The following ASIP variants were observed in gnomAD, a reference collection of about 807,000 sequenced individuals.
ASIP encodes agouti-signaling protein.
Under a neutral mutation model 10.3 loss-of-function variants are expected in ASIP, and 11 were observed. The observed-to-expected ratio is 1.07, with a 90% confidence interval of 0.68 to 1.78. The LOEUF (loss-of-function observed/expected upper bound fraction) is 1.78, where lower values mean the gene tolerates loss of function less well. Ranked by LOEUF, ASIP falls within the 40% of genes most tolerant of loss-of-function variation. The probability of loss-of-function intolerance (pLI) is 0.00; values close to 1 mark genes in which losing one functional copy is unlikely to be tolerated. For missense variants in ASIP, 180 were observed against 169.2 expected, an observed-to-expected ratio of 1.06 and a Z score of -0.35; for synonymous variants, 70 against 70.8, an observed-to-expected ratio of 0.99 and a Z score of 0.06.
intron 1 of ASIP, among the ~76,000 whole-genome samples, chr20:34,221,536 G>A (rs527266122): frequency 1.3e-5 from 2 of 152,218 alleles, no homozygotes; most frequent in South Asian, 4.2e-4. Context: ...TACGTATGTG[G>A]GCAATAAATG....
At chr20:34,198,931 C>G (rs1382874538) in intron 1 of ASIP, among the ~76,000 whole-genome samples, 1 of 152,180 alleles carries the variant, frequency 6.6e-6, no homozygotes, top group African/African-American at 2.4e-5. Flanking sequence ...CTCATTCCCC[C>G]TTCAAGTCCC....
intron 1 of ASIP, among the ~76,000 whole-genome samples, chr20:34,222,003 G>C (rs2035050826): frequency 6.6e-6 from 1 of 152,142 alleles, no homozygotes; most frequent in Admixed American, 6.5e-5. Context: ...CCAGCCACTT[G>C]GGAGGCTGAA....
At chr20:34,222,573 G>T (rs1391119827) in intron 1 of ASIP, among the ~76,000 whole-genome samples, 11 of 152,282 alleles carry the variant, frequency 7.2e-5, no homozygotes, top group African/African-American at 2.4e-4. Context: ...CAGATCTGAA[G>T]TGGGACCCAG....
chr20:34,261,804 A>C (rs2035697439), intron 2 of ASIP, among the ~76,000 whole-genome samples: 1 of 152,076 alleles, frequency 6.6e-6, no homozygotes, highest in Admixed American at 6.6e-5. Context: ...TGACTCAAAA[A>C]AGAAATTTTT....
chr20:34,258,708 ATT>A (rs1491236855), intron 1 of ASIP, among the ~76,000 whole-genome samples: 3 of 78,374 alleles, frequency 3.8e-5, no homozygotes, highest in Non-Finnish European at 7.2e-5. Context: ...ATATATATAT[ATT>A]ATATATATTA....
intron 1 of ASIP, among the ~76,000 whole-genome samples, chr20:34,248,677 G>A (rs1022993085): frequency 7.9e-5 from 12 of 152,082 alleles, no homozygotes; most frequent in Non-Finnish European, 1.5e-4. Flanking sequence ...GCTCACACCT[G>A]TAGTCTCAGC....
intron 1 of ASIP, among the ~76,000 whole-genome samples, chr20:34,200,833 T>A (rs2034887308): frequency 1.3e-5 from 2 of 152,304 alleles, no homozygotes; most frequent in African/African-American, 4.8e-5. Flanking sequence ...TGGCTTTAAT[T>A]TTCCCCCCTA....
chr20:34,220,953 CT>C lies in ASIP; in HGVS notation c.-11+26216del, dbSNP rs10661983. On this transcript the variant is annotated intron_variant, in intron 1 of 3. Coordinates refer to the ASIP transcript ENST00000568305. Reference sequence around the variant, plus strand: ...GTTTTTCTTCCTTTCTTCTTTCCTTCTTTTTTTTTTTTTTTTTTTTTTTCTT... The same window carrying C: ...GTTTTTCTTCCTTTCTTCTTTCCTTCTTTTTTTTTTTTTTTTTTTTTTCTT... Among the ~76,000 whole-genome samples the C allele has an allele frequency of 4.8e-3, 530 of 109,752 alleles. 3 individuals are homozygous for C. Among genetic ancestry groups the C allele is most frequent in the African/African-American group, 0.011 (281 of 25,520 alleles). The allele number at this position is 109,752 out of a possible 152,430, so 72.0% of individuals were successfully genotyped here.
At position 34,198,374 on chromosome 20, in the gene ASIP, G is replaced by A. The variant is rs183058233; in HGVS notation, c.-11+3614G>A. 3.9e-4 allele frequency among the ~76,000 whole-genome samples: 59 copies of A among 152,102 alleles called. 1 individual carries two copies. Among genetic ancestry groups the A allele is most frequent in the Middle Eastern group, 6.8e-3 (2 of 294 alleles). ...CAAACTGCTAGGATTACAGGCGTGA[G>A]CCACCGAGCCCGGTCATTGCTTAAC... On this transcript the variant is annotated intron_variant, in intron 1 of 3. Coordinates refer to the ASIP transcript ENST00000568305.
chr20:34,210,241 G>A (rs2034965504), intron 1 of ASIP, among the ~76,000 whole-genome samples: 1 of 152,266 alleles, frequency 6.6e-6, no homozygotes, highest in Non-Finnish European at 1.5e-5. Context: ...GTGAAGAGAA[G>A]GATAGAAGAG....
At chr20:34,248,623 T>C (rs912914436) in intron 1 of ASIP, among the ~76,000 whole-genome samples, 1 of 152,032 alleles carries the variant, frequency 6.6e-6, no homozygotes, top group Non-Finnish European at 1.5e-5. Flanking sequence ...GGCAACATTG[T>C]GAGACCTCAC....
intron 1 of ASIP, among the ~76,000 whole-genome samples, chr20:34,245,163 G>A (rs1238470622): frequency 2.0e-5 from 3 of 151,456 alleles, no homozygotes; most frequent in Non-Finnish European, 4.4e-5. Flanking sequence ...ATGAAACCCC[G>A]TCGCTACTAA....
At chr20:34,214,303 G>C in intron 1 of ASIP, 2 of 1,360,220 alleles carry the variant, frequency 1.5e-6, no homozygotes, top group Non-Finnish European at 2.1e-6. Flanking sequence ...AGTACACATG[G>C]AACGTGCTGA....
intron 1 of ASIP, among the ~76,000 whole-genome samples, chr20:34,248,121 G>A (rs1465051073): frequency 3.9e-5 from 6 of 151,964 alleles, no homozygotes; most frequent in Admixed American, 1.3e-4. Flanking sequence ...CAGAAGAATC[G>A]CTTGAACCCG....
At chr20:34,222,370 T>C (rs1039671504) in intron 1 of ASIP, among the ~76,000 whole-genome samples, 2 of 152,056 alleles carry the variant, frequency 1.3e-5, no homozygotes, top group African/African-American at 2.4e-5. Context: ...GTGTTTTCAT[T>C]TGTGGTTTAG....
At chr20:34,239,028 A>G (rs1205327021), upstream of ASIP, among the ~76,000 whole-genome samples, 1 of 152,150 alleles carries the variant, frequency 6.6e-6, no homozygotes, top group East Asian at 1.9e-4. Flanking sequence ...TTCCCAGAAT[A>G]CTTTCCTGGC....
upstream of ASIP, among the ~76,000 whole-genome samples, chr20:34,237,636 T>C (rs1192633055): frequency 6.6e-6 from 1 of 152,228 alleles, no homozygotes; most frequent in Non-Finnish European, 1.5e-5. Flanking sequence ...TGCGGATGGC[T>C]TTGCTTTCTT....
chr20:34,243,378 C>G (rs1463494893), intron 1 of ASIP, among the ~76,000 whole-genome samples: 3 of 152,212 alleles, frequency 2.0e-5, no homozygotes, highest in Non-Finnish European at 4.4e-5. Flanking sequence ...CTAGCCAATT[C>G]AGTCACAATA....
chr20:34,196,419 C>G (rs2034857749), intron 1 of ASIP, among the ~76,000 whole-genome samples: 1 of 151,880 alleles, frequency 6.6e-6, no homozygotes, highest in Non-Finnish European at 1.5e-5. Flanking sequence ...ATGATCCACC[C>G]GCCTCGGCCT....
Sources: allele counts gnomAD v4.1 joint callset (sites outside exome capture counted in the v4.1 genomes callset), GRCh38; gene constraint gnomAD v4.1.1; transcripts MANE v1.5; gene names NCBI Gene and HGNC (gene_info 2026-07-23, HGNC 2026-07-21).